AEBP1: variants seen among roughly 807,000 people sequenced by gnomAD.
AEBP1 encodes the protein AE binding protein 1.
Under a neutral mutation model 116.5 loss-of-function variants are expected in AEBP1, and 69 were observed. That is an observed-to-expected ratio of 0.59 (90% CI 0.49 to 0.72). The LOEUF is 0.72. Ranked by LOEUF, AEBP1 falls within the 30% of genes least tolerant of loss-of-function variation. AEBP1 has a pLI of 0.00. For missense variants in AEBP1, 1,444 were observed against 1,557.5 expected (o/e 0.93, Z 1.23); for synonymous variants, 627 against 627.3 (o/e 1.00, Z 0.01).
rs755569027 is a variant in AEBP1, at chr7:44,106,526, C to T, written c.254-20C>T. On this transcript the variant is annotated intron_variant, in intron 1 of 20. Coordinates refer to ENST00000223357, the MANE Select transcript of AEBP1 (RefSeq NM_001129.5). ...CAGAGCTGGCTCTGTTCATTTGACA[C>T]GAGTCTGCATCTTGGACAGTGCCTC... 18 of 1,565,586 alleles carry T rather than the reference C, an allele frequency of 1.1e-5. No individual in the cohort carries two copies. Among genetic ancestry groups the T allele is most frequent in the African/African-American group, 8.2e-5 (6 of 73,250 alleles).
rs1026689875 is a variant in AEBP1 at position 44,114,355 on chromosome 7, T to C, written c.*94T>C. 2.2e-6 allele frequency: 3 copies of C among 1,391,292 alleles called. No homozygotes were observed. The highest frequency in any genetic ancestry group is 2.8e-5 in the African/African-American group (2 of 70,560). The allele number at this position is 1,391,292 out of a possible 1,614,324, so 86.2% of individuals were successfully genotyped here. On this transcript the variant is annotated 3_prime_UTR_variant, in exon 21 of 21. Coordinates refer to ENST00000223357, the MANE Select transcript of AEBP1 (RefSeq NM_001129.5). ...CACAGTCACATCACCCATCAGCACA[T>C]GGAAGGCCCCTGGTATGGACACTGA...
In AEBP1 at chr7:44,111,156, G is replaced by A. The variant is rs143744776; in HGVS notation, c.1633G>A (p.Val545Ile). Reference protein sequence around the residue: ...LEVLGCSVAPVYSYYAQNEVV... With the variant: ...LEVLGCSVAPIYSYYAQNEVV... Reference sequence around the variant, plus strand: ...AGACAACCCCGCCTCCCTTGCAGCTGTCTACAGCTACTACGCACAGAATGA... The same window carrying A: ...AGACAACCCCGCCTCCCTTGCAGCTATCTACAGCTACTACGCACAGAATGA... Residue 545 changes from valine to isoleucine, a missense_variant and splice_region_variant, in exon 14 of 21, where the codon GTC (valine) becomes ATC (isoleucine). Physicochemically the swap from Val to Ile is conservative, Grantham distance 29. Transcript: ENST00000223357. The surrounding 1 kb of genome is among the most constrained non-coding windows in gnomAD (Gnocchi z 4.7). 76 of 1,549,878 alleles carry A rather than the reference G, an allele frequency of 4.9e-5. No homozygotes were observed. The East Asian group carries it at 1.4e-3, about 28-fold the overall frequency.
intron 1 of AEBP1, 103 bp from the exon 2 acceptor site, chr7:44,106,443 C>A: frequency 8.0e-7 from 1 of 1,247,708 alleles, no homozygotes; most frequent in Non-Finnish European, 1.1e-6. Flanking sequence ...GCACTGGGAA[C>A]TGACAAGAGT....
chr7:44,110,951 GA>G lies in AEBP1; in HGVS notation c.1525del (p.Ser509ValfsTer66). On this transcript the variant is annotated frameshift_variant, in exon 13 of 21. Coordinates refer to ENST00000223357, the MANE Select transcript of AEBP1 (RefSeq NM_001129.5). LOFTEE classifies it high-confidence loss of function. ...GNVDKDTPVL[S>X]ELPEPVVARF... ...ACGTGGACAAGGACACACCCGTGCT[GA>G]GTGAGCTCCCAGAGCCGGTGGTGGC... 1 of 1,614,036 alleles carries G rather than the reference GA, an allele frequency of 6.2e-7. No homozygotes were observed. The highest frequency in any genetic ancestry group is 8.5e-7 in the Non-Finnish European group (1 of 1,180,016).
Position 44,104,802 on chromosome 7 carries a change from A to C in AEBP1, c.137A>C (p.Glu46Ala). ...EFLEGFLSEL[E>A]PEPREDDVEA... ...CTCGAGGGCTTCCTGTCAGAGCTAGAACCTGAGCCCCGGGAGGACGACGTG... is the reference window on the plus strand; with the variant it reads ...CTCGAGGGCTTCCTGTCAGAGCTAGCACCTGAGCCCCGGGAGGACGACGTG... The change falls in exon 1 of 21, where the codon GAA (glutamate) becomes GCA (alanine). Residue 46 changes from glutamate to alanine, a missense_variant. Transcript: ENST00000223357. 6.2e-7 allele frequency: 1 copy of C among 1,609,332 alleles called. No individual in the cohort carries two copies. Among genetic ancestry groups the C allele is most frequent in the Non-Finnish European group, 8.5e-7 (1 of 1,178,660 alleles).
chr7:44,104,617 C>G lies in AEBP1; in HGVS notation c.-49C>G, dbSNP rs1306168437. 7.6e-7 allele frequency: 1 copy of G among 1,315,138 alleles called. No homozygotes were observed. The highest frequency in any genetic ancestry group is 1.6e-5 in the African/African-American group (1 of 63,796). 81.5% of individuals were successfully genotyped at this position (1,315,138 alleles called of 1,614,324 possible). ...TCCGCCCTTTCCCAGAGACCCAGAG[C>G]CCCTGACCCCCCGCGCCCTCCCCGG... On this transcript the variant is annotated 5_prime_UTR_variant, in exon 1 of 21. Coordinates refer to ENST00000223357, the MANE Select transcript of AEBP1 (RefSeq NM_001129.5).
chr7:44,113,563 C>G lies in AEBP1; in HGVS notation c.2810-31C>G. ...AGGGTGGGGGCCTGGGAGGGGCGCT[C>G]TGGGGCAGCCGGATCGTTCTCCCTC... is the stretch of plus-strand genomic sequence containing the variant. On this transcript the variant is annotated intron_variant, in intron 20 of 20. Transcript: ENST00000223357. This position sits in a 1 kb window ranked among gnomAD's most constrained non-coding sequence, Gnocchi z 5.3. 6.3e-7 allele frequency: 1 copy of G among 1,581,834 alleles called. No homozygotes were observed. The highest frequency in any genetic ancestry group is 8.6e-7 in the Non-Finnish European group (1 of 1,168,304).
rs750778435 is a variant in AEBP1, at chr7:44,112,531, TGGCCTCACACGTGCTGGCCA to T, written c.2218-26_2218-7del. On this transcript the variant is annotated splice_polypyrimidine_tract_variant and splice_region_variant and intron_variant, in intron 17 of 20. Coordinates refer to ENST00000223357, the MANE Select transcript of AEBP1 (RefSeq NM_001129.5). The surrounding 1 kb of genome is among the most constrained non-coding windows in gnomAD (Gnocchi z 6.6). ...GGGATAGTGGCCGGAGCTGCAGCCC[TGGCCTCACACGTGCTGGCCA>T]CTCCAGGTATCCACGGAGGTCCGGG... 1.3e-6 allele frequency: 2 copies of T among 1,546,604 alleles called. No homozygotes were observed. Among genetic ancestry groups the T allele is most frequent in the Non-Finnish European group, 1.8e-6 (2 of 1,139,702 alleles).
In AEBP1 at chr7:44,112,292, C is replaced by A; in HGVS notation, c.2188C>A (p.Pro730Thr). The A allele has an allele frequency of 6.4e-7, 1 of 1,571,120 alleles. No individual in the cohort carries two copies. The highest frequency in any genetic ancestry group is 8.7e-7 in the Non-Finnish European group (1 of 1,155,594). ...GGTCCCCAACAATAACTTGCCCATC[C>A]CTGAACGCTACCTTTCGCCAGATGC... is the stretch of plus-strand genomic sequence containing the variant. ...YRVPNNNLPI[P>T]ERYLSPDATV... Residue 730 changes from proline to threonine, a missense_variant, in exon 17 of 21, where the codon CCT becomes ACT. Pro to Thr is a conservative substitution (Grantham distance 38, BLOSUM62 -1). Transcript: ENST00000223357. The surrounding 1 kb of genome is among the most constrained non-coding windows in gnomAD (Gnocchi z 6.6).
In AEBP1 at chr7:44,112,972, T is replaced by C. The variant is rs764159507; in HGVS notation, c.2570-19T>C. ...TCCGGAGAGGGGCTGACTTTGGGTC[T>C]GTATCTGTCCCCGGCCAGCTATCAA... On this transcript the variant is annotated intron_variant, in intron 18 of 20. Coordinates refer to ENST00000223357, the MANE Select transcript of AEBP1 (RefSeq NM_001129.5). This position sits in a 1 kb window ranked among gnomAD's most constrained non-coding sequence, Gnocchi z 6.6. 8 of 1,613,660 alleles carry C rather than the reference T, an allele frequency of 5.0e-6. No individual in the cohort carries two copies. Among genetic ancestry groups the C allele is most frequent in the Non-Finnish European group, 5.9e-6 (7 of 1,179,928 alleles).
chr7:44,107,435 G>T lies in AEBP1; in HGVS notation c.596-4G>T. ...CACCTGCTTCTGGAACTCCTGTGTT[G>T]CAGGGGCGCCCCTCTCAAATAACTG... On this transcript the variant is annotated splice_region_variant and splice_polypyrimidine_tract_variant and intron_variant, in intron 2 of 20. Coordinates refer to ENST00000223357, the MANE Select transcript of AEBP1 (RefSeq NM_001129.5). This position sits in a 1 kb window ranked among gnomAD's most constrained non-coding sequence, Gnocchi z 4.3. 2 of 1,613,240 alleles carry T rather than the reference G, an allele frequency of 1.2e-6. No homozygotes were observed. The highest frequency in any genetic ancestry group is 2.2e-5 in the South Asian group (2 of 91,082).
rs559299616 is a variant in AEBP1, at chr7:44,104,862, T to G, written c.197T>G (p.Val66Gly). 42 of 1,571,054 alleles carry G rather than the reference T, an allele frequency of 2.7e-5. No individual in the cohort carries two copies. The African/African-American group carries it at 5.2e-4, about 19-fold the overall frequency. The change falls in exon 1 of 21, where the codon GTC (valine) becomes GGC (glycine). Residue 66 changes from valine (V) to glycine (G), a missense_variant. Val to Gly is a moderately radical substitution (Grantham distance 109). Transcript: ENST00000223357. ...APPPPEPTPR[V>G]RKAQAGGKPG... ...CCGCCTCCCGAGCCCACCCCGCGGG[T>G]CCGAAAAGCCCAGGCGGGGGGCAAG...
chr7:44,107,172 C>T lies in AEBP1; in HGVS notation c.596-267C>T, dbSNP rs1011647059. On this transcript the variant is annotated intron_variant, in intron 2 of 20. Transcript: ENST00000223357. The surrounding 1 kb of genome is among the most constrained non-coding windows in gnomAD (Gnocchi z 4.3). ...GGCTCTGAGCCCATGGAGTTCCCTCCTGCCTTCTCCCGCTGGGGACAGCTT... is the reference window on the plus strand; with the variant it reads ...GGCTCTGAGCCCATGGAGTTCCCTCTTGCCTTCTCCCGCTGGGGACAGCTT... 1.3e-5 allele frequency among the ~76,000 whole-genome samples: 2 copies of T among 152,230 alleles called. No individual in the cohort carries two copies. The highest frequency in any genetic ancestry group is 2.9e-5 in the Non-Finnish European group (2 of 68,032).
Position 44,110,019 on chromosome 7 carries a change from TC to T in AEBP1, c.1161del (p.Ile388LeufsTer57). ...TTCTGGGGTACGCGTCCTCAGAGTG[TC>T]CCCCCATTGGGATGGAGTCACACCG... ...EWTPTEKVKC[P>X]PIGMESHRIE... is the part of the protein sequence containing the mutation. On this transcript the variant is annotated frameshift_variant, in exon 10 of 21. Transcript: ENST00000223357. LOFTEE classifies it high-confidence loss of function. 1 of 1,612,348 alleles carries T rather than the reference TC, an allele frequency of 6.2e-7. No homozygotes were observed. The highest frequency in any genetic ancestry group is 8.5e-7 in the Non-Finnish European group (1 of 1,179,718).
Position 44,108,954 on chromosome 7 carries a change from A to T in AEBP1, c.996A>T (p.Thr332=). 2.5e-6 allele frequency: 4 copies of T among 1,601,520 alleles called. No individual in the cohort carries two copies. Among genetic ancestry groups the T allele is most frequent in the Non-Finnish European group, 3.4e-6 (4 of 1,174,600 alleles). ...AGAAGCCCGATGCTGAGCGCCAGAC[A>T]GACGAAGAGAAGGAGGAGCTGAGTG... The part of the protein sequence containing the change: ...PPQKPDAERQ[T]DEEKEELKKP... The change falls in exon 7 of 21, where the codon ACA becomes ACT. Residue 332 remains threonine, a synonymous_variant. Coordinates refer to ENST00000223357, the MANE Select transcript of AEBP1 (RefSeq NM_001129.5). This position sits in a 1 kb window ranked among gnomAD's most constrained non-coding sequence, Gnocchi z 5.0.
At position 44,108,202 on chromosome 7, in the gene AEBP1, G is replaced by A; in HGVS notation, c.940+118G>A. ...CCTTGCAACCCCACCTGTGCCCGTG[G>A]TTACCTCGCTGTCCCTGCTGTCCCT... On this transcript the variant is annotated intron_variant, in intron 6 of 20. Transcript: ENST00000223357. The surrounding 1 kb of genome is among the most constrained non-coding windows in gnomAD (Gnocchi z 5.0). 1.0e-6 allele frequency: 1 copy of A among 997,310 alleles called. No homozygotes were observed. Among genetic ancestry groups the A allele is most frequent in the Non-Finnish European group, 1.5e-6 (1 of 659,716 alleles). The allele number at this position is 997,310 out of a possible 1,614,324, so 61.8% of individuals were successfully genotyped here.
chr7:44,110,434 CCTT>C lies in AEBP1; in HGVS notation c.1400+92_1400+94del, dbSNP rs2096228004. The C allele has an allele frequency of 5.1e-6, 8 of 1,573,176 alleles. No individual in the cohort carries two copies. In the East Asian group the frequency reaches 1.8e-4, roughly 35 times the overall value. ...TCCCATTAAGGAGATTCCAGTGGGC[CCTT>C]CTTTGGCCCAGCCAAAGAAGGCCAA... On this transcript the variant is annotated intron_variant, in intron 11 of 20. Transcript: ENST00000223357.
intron 9 of AEBP1, chr7:44,109,764 C>T (rs188538661): frequency 1.7e-4 from 97 of 581,658 alleles, no homozygotes; most frequent in Middle Eastern, 1.3e-3. Context: ...ATGGTCAGCC[C>T]GTTCTCCAGA....
chr7:44,107,559 T>C lies in AEBP1; in HGVS notation c.667+49T>C, dbSNP rs374508688. ...CCTTGGGGCCAGCTGCCCTGGCTGG[T>C]TGGACTGAGGGCTTCCCCAGAGTAG... On this transcript the variant is annotated intron_variant, in intron 3 of 20. Coordinates refer to ENST00000223357, the MANE Select transcript of AEBP1 (RefSeq NM_001129.5). The surrounding 1 kb of genome is among the most constrained non-coding windows in gnomAD (Gnocchi z 4.3). The C allele has an allele frequency of 9.9e-6, 16 of 1,613,172 alleles. No homozygotes were observed. In the African/African-American group the frequency reaches 1.5e-4, roughly 15 times the overall value.
Sources: allele counts gnomAD v4.1 joint callset (sites outside exome capture counted in the v4.1 genomes callset), GRCh38; gene constraint gnomAD v4.1.1; non-coding constraint Gnocchi (gnomAD v3.1); transcripts MANE v1.5; gene names NCBI Gene and HGNC (gene_info 2026-07-23, HGNC 2026-07-21).